The following ZNF485 variants were observed in gnomAD, a reference collection of about 807,000 sequenced individuals.
ZNF485 encodes the protein Zinc finger protein 93 (Zinc finger protein HTF34).
In ZNF485, 9 loss-of-function variants were observed where a neutral mutation model predicts 10.8. The observed-to-expected ratio is 0.83, with a 90% confidence interval of 0.50 to 1.45. The LOEUF is 1.45. Ranked by LOEUF, ZNF485 falls within the 40% of genes most tolerant of loss-of-function variation. The pLI, the probability that ZNF485 is intolerant of heterozygous loss-of-function variation, is 0.00. For synonymous variants in ZNF485, 187 were observed against 181.0 expected, an observed-to-expected ratio of 1.03 and a Z score of -0.27; for missense variants, 487 against 528.0, an observed-to-expected ratio of 0.92 and a Z score of 0.76.
In ZNF485 at chr10:43,617,431, A is replaced by G. The variant is rs1266640652; in HGVS notation, c.*62A>G. ...CCATCATAGAGGAGACATTAAATAA[A>G]TTATGCATTTAACAGAAATACTCTG... is the stretch of plus-strand genomic sequence containing the variant. On this transcript the variant is annotated 3_prime_UTR_variant, in exon 5 of 5. Coordinates refer to ENST00000361807, the MANE Select transcript of ZNF485 (RefSeq NM_145312.4). 44 of 1,211,280 alleles carry G rather than the reference A, an allele frequency of 3.6e-5. No individual in the cohort carries two copies. The highest frequency in any genetic ancestry group is 4.6e-5 in the Non-Finnish European group (40 of 869,082). The allele number at this position is 1,211,280 out of a possible 1,614,324, so 75.0% of individuals were successfully genotyped here.
chr10:43,609,392 G>C lies in ZNF485; in HGVS notation c.247+42G>C, dbSNP rs746556521. 3 of 1,517,450 alleles carry C rather than the reference G, an allele frequency of 2.0e-6. No homozygotes were observed. In the South Asian group the frequency reaches 3.4e-5, roughly 17 times the overall value. The allele number at this position is 1,517,450 out of a possible 1,614,324, so 94.0% of individuals were successfully genotyped here. ...CATCCCAGCAGAAGCTGAGCACACG[G>C]AGCAGTACGGGGGTTCCTGAGTGGA... On this transcript the variant is annotated intron_variant, in intron 4 of 4. Transcript: ENST00000361807.
chr10:43,616,223 C>T, intron 4 of ZNF485, 68 bp from the exon 5 acceptor site: 1 of 1,273,084 alleles, frequency 7.9e-7, no homozygotes, highest in Admixed American at 2.3e-5. Context: ...TTATTCAAGT[C>T]CTTGCACAAC....
intron 4 of ZNF485, among the ~76,000 whole-genome samples, chr10:43,615,466 A>AT (rs1479832708): frequency 6.6e-6 from 1 of 152,010 alleles, no homozygotes; most frequent in African/African-American, 2.4e-5. Context: ...CAGTGGCATG[A>AT]TCTCAGCTCA....
In ZNF485 at chr10:43,616,478, T is replaced by C; in HGVS notation, c.435T>C (p.Phe145=). The change falls in exon 5 of 5, where the codon TTT becomes TTC. Residue 145 remains phenylalanine (F), a synonymous_variant. Transcript: ENST00000361807. ...CGKVFKYNSS[F]ISHQRNHTSE... is the part of the protein sequence containing the mutation. ...AAGTCTTCAAATACAATTCGTCCTT[T>C]ATTAGCCACCAGAGAAATCACACCA... 6.2e-7 allele frequency: 1 copy of C among 1,614,078 alleles called. No homozygotes were observed. The highest frequency in any genetic ancestry group is 8.5e-7 in the Non-Finnish European group (1 of 1,179,990).
At chr10:43,613,322 A>G (rs1186503908) in intron 4 of ZNF485, among the ~76,000 whole-genome samples, 1 of 152,206 alleles carries the variant, frequency 6.6e-6, no homozygotes, top group Admixed American at 6.5e-5. Flanking sequence ...TTTTAACTTC[A>G]TGTGAATGGT....
In ZNF485 at chr10:43,617,782, A is replaced by G. The variant is rs1353039672; in HGVS notation, c.*413A>G. ...ACTCCATCTCTAAGTAAAAAAATAC[A>G]ACAGTAGAAATATACCCATGATAAT... On this transcript the variant is annotated 3_prime_UTR_variant, in exon 5 of 5. Transcript: ENST00000361807. The G allele has an allele frequency of 6.2e-6, 1 of 160,480 alleles. No homozygotes were observed. The allele number at this position is 160,480 out of a possible 1,614,324, so 9.9% of individuals were successfully genotyped here.
chr10:43,609,404 G>C (rs1838723990), intron 4 of ZNF485, 54 bp downstream of exon 4: 2 of 1,428,430 alleles, frequency 1.4e-6, no homozygotes, highest in Non-Finnish European at 2.0e-6. Context: ...GCAGTACGGG[G>C]GTTCCTGAGT....
chr10:43,615,766 A>G (rs762599392), intron 4 of ZNF485, among the ~76,000 whole-genome samples: 1 of 152,148 alleles, frequency 6.6e-6, no homozygotes, highest in African/African-American at 2.4e-5. Context: ...TGGCCTGAGA[A>G]CTATTTTTGT....
chr10:43,608,839 T>A (rs941564003), intron 3 of ZNF485, 99 bp downstream of exon 3: 1 of 1,485,666 alleles, frequency 6.7e-7, no homozygotes, highest in Admixed American at 2.1e-5. Context: ...TCTTAAATGA[T>A]GTGCTTTTTG....
Position 43,609,303 on chromosome 10 carries a change from C to T in ZNF485, c.200C>T (p.Ala67Val). The T allele has an allele frequency of 1.9e-6, 3 of 1,614,006 alleles. No homozygotes were observed. Among genetic ancestry groups the T allele is most frequent in the Non-Finnish European group, 2.5e-6 (3 of 1,179,950 alleles). The stretch of plus-strand genomic sequence containing the variant: ...CTAATTACTCAGTTGGAGCAAGGGG[C>T]AGAGCCCTGGACTGAGGTGCGAGAG... ...PKLITQLEQG[A>V]EPWTEVREAP... Residue 67 changes from alanine to valine, a missense_variant, in exon 4 of 5, where the codon GCA (alanine) becomes GTA (valine). Coordinates refer to ENST00000361807, the MANE Select transcript of ZNF485 (RefSeq NM_145312.4).
chr10:43,615,048 A>C (rs575917323), intron 4 of ZNF485, among the ~76,000 whole-genome samples: 21 of 152,328 alleles, frequency 1.4e-4, no homozygotes, highest in African/African-American at 5.1e-4. Flanking sequence ...CCATTGGAAG[A>C]ATGTGGGCTG....
chr10:43,614,957 C>T (rs1838827593), intron 4 of ZNF485, among the ~76,000 whole-genome samples: 1 of 152,172 alleles, frequency 6.6e-6, no homozygotes, highest in African/African-American at 2.4e-5. Flanking sequence ...TATGTGTCTT[C>T]ACGTTGCCAG....
At chr10:43,615,412 TG>T (rs1284541010) in intron 4 of ZNF485, among the ~76,000 whole-genome samples, 5 of 151,890 alleles carry the variant, frequency 3.3e-5, no homozygotes, top group African/African-American at 1.2e-4. Context: ...ATTTTTTTTT[TG>T]TTTTTTGAGA....
intron 2 of ZNF485, 102 bp from the exon 3 acceptor site, chr10:43,608,512 T>C: frequency 6.9e-7 from 1 of 1,455,610 alleles, no homozygotes; most frequent in South Asian, 1.4e-5. Flanking sequence ...CCATGAGCAC[T>C]GTTGGAACTG....
In ZNF485 at chr10:43,617,466, G is replaced by T; in HGVS notation, c.*97G>T. 1.1e-6 allele frequency: 1 copy of T among 873,510 alleles called. No individual in the cohort carries two copies. The allele number at this position is 873,510 out of a possible 1,614,324, so 54.1% of individuals were successfully genotyped here. A position where few individuals can be genotyped will look rare whatever the true frequency, so the allele number is the denominator to read the frequency against. ...TAACAGAAATACTCTGTACTTCTGA[G>T]AGAACACATCACTTGTGAGGATATT... On this transcript the variant is annotated 3_prime_UTR_variant, in exon 5 of 5. Coordinates refer to ENST00000361807, the MANE Select transcript of ZNF485 (RefSeq NM_145312.4).
At chr10:43,609,765 T>A (rs1207158153) in intron 4 of ZNF485, among the ~76,000 whole-genome samples, 1 of 152,202 alleles carries the variant, frequency 6.6e-6, no homozygotes, top group East Asian at 1.9e-4. Context: ...CCTCAAAGTC[T>A]GGACTCAAGC....
intron 2 of ZNF485, 51 bp downstream of exon 2, chr10:43,607,125 G>C: frequency 6.5e-7 from 1 of 1,548,934 alleles, no homozygotes. Context: ...CAGCGAGGTG[G>C]GGTTTATGCC....
intron 4 of ZNF485, among the ~76,000 whole-genome samples, chr10:43,613,929 T>G (rs1420055484): frequency 4.6e-5 from 7 of 152,176 alleles, no homozygotes; most frequent in Non-Finnish European, 5.9e-5. Context: ...AAAGACATTT[T>G]AGGGCTGGGC....
chr10:43,617,015 A>G lies in ZNF485; in HGVS notation c.972A>G (p.Lys324=). ...ISHQRMHTGE[K]PYHCSKCGKS... ...ACCAAAGAATGCATACTGGGGAGAA[A>G]CCCTATCACTGCAGTAAATGTGGAA... The change falls in exon 5 of 5, where the codon AAA becomes AAG. Residue 324 remains lysine, a synonymous_variant. Transcript: ENST00000361807. The G allele has an allele frequency of 1.2e-6, 2 of 1,614,174 alleles. No individual in the cohort carries two copies. Among genetic ancestry groups the G allele is most frequent in the Non-Finnish European group, 1.7e-6 (2 of 1,180,040 alleles).
Sources: gnomAD v4.1 joint callset for allele counts (sites outside exome capture counted in the v4.1 genomes callset) on GRCh38, gnomAD v4.1.1 for gene constraint, MANE v1.5 for transcripts, NCBI Gene and HGNC (gene_info 2026-07-23, HGNC 2026-07-21) for gene names.